The following SLC2A9 variants were observed in gnomAD, a reference collection of about 807,000 sequenced individuals.
The protein encoded by SLC2A9 is solute carrier family 2, facilitated glucose transporter member 9.
In SLC2A9, 39 loss-of-function variants were observed where a neutral mutation model predicts 50.6. That is an observed-to-expected ratio of 0.77 (90% confidence interval 0.60 to 1.01). SLC2A9 has a LOEUF of 1.01. Among genes scored for constraint, SLC2A9 ranks in the 50% least tolerant of loss-of-function variants. SLC2A9 has a pLI of 0.00. For missense variants in SLC2A9, 686 were observed against 677.6 expected, an observed-to-expected ratio of 1.01 and a Z score of -0.14; for synonymous variants, 324 against 276.9, an observed-to-expected ratio of 1.17 and a Z score of -1.69.
intron 2 of SLC2A9, among the ~76,000 whole-genome samples, chr4:10,005,445 A>G (rs768125589): frequency 6.6e-6 from 1 of 152,214 alleles, no homozygotes; most frequent in African/African-American, 2.4e-5. Context: ...CTGGGGAGCC[A>G]TTGGAGGGTT....
intron 1 of SLC2A9, among the ~76,000 whole-genome samples, chr4:10,032,542 G>C (rs1434139913): frequency 3.9e-5 from 6 of 152,080 alleles, no homozygotes; most frequent in Non-Finnish European, 5.9e-5. Flanking sequence ...TCAGGGTTGG[G>C]GAGAATGGGG....
chr4:9,874,788 A>T lies in SLC2A9; in HGVS notation c.1291+12779T>A, dbSNP rs111529817. 6.1e-3 allele frequency among the ~76,000 whole-genome samples: 921 copies of T among 152,102 alleles called. 10 individuals are homozygous for T. Among genetic ancestry groups the T allele is most frequent in the African/African-American group, 0.021 (869 of 41,408 alleles). ...GGATGCTGTGTCTTTAGAAATGGCC[A>T]TAAGTTAGTGTCTGTCTAATGTGGG... On this transcript the variant is annotated intron_variant, in intron 10 of 11. Transcript: ENST00000264784.
chr4:9,930,735 T>C (rs6823324), intron 6 of SLC2A9, among the ~76,000 whole-genome samples: 50,055 of 152,110 alleles, frequency 0.33, 9,674 homozygotes, highest in African/African-American at 0.52. Context: ...GAACAAGGGC[T>C]CCAGGCAAGA....
chr4:9,848,306 C>G (rs928197971), intron 10 of SLC2A9, among the ~76,000 whole-genome samples: 3 of 149,534 alleles, frequency 2.0e-5, no homozygotes, highest in Non-Finnish European at 4.4e-5. Context: ...AGGTAGCCAG[C>G]ATAAGTAACT....
At chr4:10,003,270 C>T (rs78533886) in intron 2 of SLC2A9, among the ~76,000 whole-genome samples, 4,641 of 152,274 alleles carry the variant, frequency 0.03, 242 homozygotes, top group African/African-American at 0.11. Context: ...CCCTGGAAGG[C>T]CTCAGTAATG....
At chr4:9,903,788 T>C (rs111875821) in intron 8 of SLC2A9, among the ~76,000 whole-genome samples, 1 of 147,794 alleles carries the variant, frequency 6.8e-6, no homozygotes, top group Non-Finnish European at 1.5e-5. Context: ...TAAATATATT[T>C]ATTGCCTTCT....
chr4:9,851,070 C>T (rs1729822838), intron 10 of SLC2A9, among the ~76,000 whole-genome samples: 1 of 152,164 alleles, frequency 6.6e-6, no homozygotes, highest in African/African-American at 2.4e-5. Context: ...TGGTGCCCCA[C>T]CCCAGGCAAT....
At chr4:9,952,416 G>T (rs565360268) in intron 5 of SLC2A9, among the ~76,000 whole-genome samples, 1 of 152,094 alleles carries the variant, frequency 6.6e-6, no homozygotes, top group African/African-American at 2.4e-5. Context: ...TGATGTGCCT[G>T]CTCCTGGAGC....
At chr4:9,810,104 T>G (rs1722683573) in intron 3 of SLC2A9, among the ~76,000 whole-genome samples, 1 of 151,528 alleles carries the variant, frequency 6.6e-6, no homozygotes, top group Admixed American at 6.5e-5. Flanking sequence ...ACCTATTTGG[T>G]GGTCTATTTA....
At chr4:9,900,800 G>C (rs1263901837) in intron 8 of SLC2A9, among the ~76,000 whole-genome samples, 1 of 152,184 alleles carries the variant, frequency 6.6e-6, no homozygotes, top group Non-Finnish European at 1.5e-5. Context: ...AGGAGAATGA[G>C]TGTCCAGTGA....
intron 4 of SLC2A9, among the ~76,000 whole-genome samples, chr4:9,985,014 T>G (rs1756476093): frequency 6.6e-6 from 1 of 152,166 alleles, no homozygotes. Flanking sequence ...AATACTCTTC[T>G]CTCTGCTGGG....
intron 3 of SLC2A9, among the ~76,000 whole-genome samples, chr4:9,809,847 C>A (rs201610705): frequency 6.7e-6 from 1 of 149,148 alleles, no homozygotes; most frequent in Admixed American, 6.6e-5. Context: ...AACAAGTTTT[C>A]TTTTCTTTTT....
intron 5 of SLC2A9, among the ~76,000 whole-genome samples, chr4:9,958,106 G>A (rs1361294677): frequency 6.6e-6 from 1 of 152,126 alleles, no homozygotes; most frequent in Non-Finnish European, 1.5e-5. Context: ...AGATGCTACA[G>A]GACACTGAAG....
intron 5 of SLC2A9, among the ~76,000 whole-genome samples, chr4:9,962,607 C>T (rs1752441122): frequency 6.6e-6 from 1 of 152,154 alleles, no homozygotes; most frequent in African/African-American, 2.4e-5. Context: ...CAACCTAATG[C>T]ATGCTGGGCT....
At chr4:9,771,523 T>A (rs1716813238) in intron 1 of SLC2A9, among the ~76,000 whole-genome samples, 1 of 152,256 alleles carries the variant, frequency 6.6e-6, no homozygotes, top group African/African-American at 2.4e-5. Flanking sequence ...AGTGCACAGA[T>A]AGCTGGAGAT....
At chr4:9,896,900 G>C (rs754040849) in intron 8 of SLC2A9, among the ~76,000 whole-genome samples, 1 of 152,072 alleles carries the variant, frequency 6.6e-6, no homozygotes, top group Non-Finnish European at 1.5e-5. Flanking sequence ...TGATCTGTGG[G>C]GCTGCCCTTA....
intron 5 of SLC2A9, among the ~76,000 whole-genome samples, chr4:9,971,666 T>G (rs1753928861): frequency 1.3e-5 from 2 of 152,226 alleles, no homozygotes; most frequent in Admixed American, 1.3e-4. Flanking sequence ...AACCAGTGAT[T>G]TTTTTAAAAA....
chr4:9,801,310 C>G (rs1241855468), intron 3 of SLC2A9, among the ~76,000 whole-genome samples: 1 of 152,178 alleles, frequency 6.6e-6, no homozygotes, highest in Non-Finnish European at 1.5e-5. Context: ...CAGAAGACCC[C>G]CTCCTGGGCC....
downstream of SLC2A9, among the ~76,000 whole-genome samples, chr4:9,794,380 T>A (rs1720338351): frequency 6.6e-6 from 1 of 152,174 alleles, no homozygotes; most frequent in African/African-American, 2.4e-5. Flanking sequence ...GGTCTCAAAC[T>A]CCTGACTTCA....
Sources: allele counts gnomAD v4.1 joint callset (sites outside exome capture counted in the v4.1 genomes callset), GRCh38; gene constraint gnomAD v4.1.1; transcripts MANE v1.5; gene names NCBI Gene and HGNC (gene_info 2026-07-23, HGNC 2026-07-21).